Variants in RHEX observed in about 807,000 individuals in gnomAD.
RHEX encodes the protein regulator of hemoglobinization and erythroid cell expansion protein.
A neutral mutation model predicts 20.1 loss-of-function variants in RHEX; 18 were observed. That is an observed-to-expected ratio of 0.90 (90% CI 0.62 to 1.33). RHEX has a LOEUF of 1.33. RHEX is among the 40% of genes most tolerant of loss of function. The pLI is 0.00. For missense variants in RHEX, 192 were observed against 214.3 expected, an observed-to-expected ratio of 0.90 and a Z score of 0.65; for synonymous variants, 87 against 77.1, an observed-to-expected ratio of 1.13 and a Z score of -0.67.
At chr1:206,097,469 G>A (rs564751751) in intron 1 of RHEX, among the ~76,000 whole-genome samples, 1 of 152,306 alleles carries the variant, frequency 6.6e-6, no homozygotes, top group Admixed American at 6.5e-5. Context: ...TAACAAATAA[G>A]GAACTCATAT....
At chr1:206,086,352 T>G (rs549478836) in intron 1 of RHEX, among the ~76,000 whole-genome samples, 1 of 152,138 alleles carries the variant, frequency 6.6e-6, no homozygotes, top group African/African-American at 2.4e-5. Context: ...TTCCTGTTTT[T>G]TTTTCTTTTT....
At position 206,097,773 on chromosome 1, in the gene RHEX, T is replaced by G. The variant is rs2102329600; in HGVS notation, c.-56T>G. ...CCGGTGGCACTACTGAGAGACGAGG[T>G]GCCAGGGTGGTTCCTGAAAGTGCCT... On this transcript the variant is annotated 5_prime_UTR_variant, in exon 2 of 6. Coordinates refer to ENST00000331555, the MANE Select transcript of RHEX (RefSeq NM_001007544.4). The G allele has an allele frequency of 6.2e-7, 1 of 1,614,052 alleles. No individual in the cohort carries two copies. The highest frequency in any genetic ancestry group is 2.2e-5 in the East Asian group (1 of 44,872).
At chr1:206,098,244 C>G (rs1156383793) in intron 3 of RHEX, 63 bp downstream of exon 3, 3 of 1,209,868 alleles carry the variant, frequency 2.5e-6, no homozygotes, top group Non-Finnish European at 3.7e-6. Flanking sequence ...GAGCCTCCAG[C>G]AGGACAAGAC....
At position 206,094,222 on chromosome 1, in the gene RHEX, G is replaced by A. The variant is rs149194365; in HGVS notation, c.-96-3511G>A. On this transcript the variant is annotated intron_variant, in intron 1 of 5. Coordinates refer to ENST00000331555, the MANE Select transcript of RHEX (RefSeq NM_001007544.4). ...TGTCACGTGCACGCGCAAATGAGCA[G>A]ATGTCTCTGCTGATTGTCTGATCAG... Among the ~76,000 whole-genome samples the A allele has an allele frequency of 5.9e-5, 9 of 151,756 alleles. No homozygotes were observed. In the East Asian group the frequency reaches 1.7e-3, roughly 29 times the overall value.
At chr1:206,061,997 G>GTC (rs1662318859) in intron 1 of RHEX, 1 of 152,020 alleles carries the variant, frequency 6.6e-6, no homozygotes, top group African/African-American at 2.4e-5. Flanking sequence ...AGATCACCAG[G>GTC]TCAAGAGATC....
At chr1:206,057,744 C>CAT (rs1553282776) in intron 1 of RHEX, among the ~76,000 whole-genome samples, 1 of 151,308 alleles carries the variant, frequency 6.6e-6, no homozygotes. Context: ...AAAAATGAAG[C>CAT]ATAGCCATAG....
intron 1 of RHEX, chr1:206,061,669 C>T (rs1194491427): frequency 6.6e-6 from 1 of 152,280 alleles, no homozygotes; most frequent in Non-Finnish European, 1.5e-5. Context: ...AAGGATCTTT[C>T]CTGCCATGCT....
In RHEX at chr1:206,067,032, G is replaced by A. The variant is rs1662435579; in HGVS notation, c.-97+13767G>A. On this transcript the variant is annotated intron_variant, in intron 1 of 5. Transcript: ENST00000331555. This position sits in a 1 kb window ranked among gnomAD's most constrained non-coding sequence, Gnocchi z 4.6. ...CATGGTGAACCTGTGATAAGGGAGT[G>A]GAGTCTGGCCACGGTGTCAGGTGAT... Among the ~76,000 whole-genome samples the A allele has an allele frequency of 6.6e-6, 1 of 152,184 alleles. No individual in the cohort carries two copies. Among genetic ancestry groups the A allele is most frequent in the Non-Finnish European group, 1.5e-5 (1 of 68,028 alleles).
At chr1:206,080,982 T>TAC (rs71152465) in intron 1 of RHEX, among the ~76,000 whole-genome samples, 18,499 of 149,818 alleles carry the variant, frequency 0.12, 1,317 homozygotes, top group African/African-American at 0.2. Context: ...TTTTTGTACA[T>TAC]ACACACACAC....
chr1:206,078,784 T>TG (rs1450164957), intron 1 of RHEX, among the ~76,000 whole-genome samples: 7 of 151,886 alleles, frequency 4.6e-5, no homozygotes, highest in South Asian at 2.1e-4. Flanking sequence ...TAGAGGTGCC[T>TG]GGGGGGGCAA....
At chr1:206,093,778 TC>T (rs1553287335) in intron 1 of RHEX, among the ~76,000 whole-genome samples, 1 of 152,162 alleles carries the variant, frequency 6.6e-6, no homozygotes, top group African/African-American at 2.4e-5. Context: ...TAAAATGGAA[TC>T]CAGCCTTAAC....
chr1:206,090,536 C>G (rs560747620), intron 1 of RHEX, among the ~76,000 whole-genome samples: 3 of 152,170 alleles, frequency 2.0e-5, no homozygotes, highest in Admixed American at 1.3e-4. Flanking sequence ...GCAATTTCCA[C>G]TCTTTTTGAT....
chr1:206,088,524 A>G (rs1182086582), intron 1 of RHEX, among the ~76,000 whole-genome samples: 2 of 152,124 alleles, frequency 1.3e-5, no homozygotes, highest in African/African-American at 4.8e-5. Context: ...CTCTACTAAA[A>G]CTACAAAAAT....
At chr1:206,059,475 C>G (rs1553283061) in intron 1 of RHEX, among the ~76,000 whole-genome samples, 2 of 152,172 alleles carry the variant, frequency 1.3e-5, no homozygotes, top group Non-Finnish European at 1.5e-5. Flanking sequence ...ATGGGTTCCC[C>G]CCACCCCACC....
chr1:206,101,378 A>G (rs561801239), intron 5 of RHEX, among the ~76,000 whole-genome samples, 181 bp downstream of exon 5: 1 of 152,266 alleles, frequency 6.6e-6, no homozygotes, highest in East Asian at 1.9e-4. Flanking sequence ...CCATATCTGC[A>G]TGGATCACCC....
intron 1 of RHEX, among the ~76,000 whole-genome samples, chr1:206,060,095 G>A (rs1167812694): frequency 6.6e-6 from 1 of 152,118 alleles, no homozygotes; most frequent in African/African-American, 2.4e-5. Flanking sequence ...ATGAACACAC[G>A]ACTTAAAGTC....
At chr1:206,064,652 T>G (rs1571855030) in intron 1 of RHEX, among the ~76,000 whole-genome samples, 1 of 125,190 alleles carries the variant, frequency 8.0e-6, no homozygotes, top group African/African-American at 3.1e-5. Context: ...CGGGGGGAGG[T>G]GGGGGGGTCA....
At chr1:206,078,428 G>A (rs368544232) in intron 1 of RHEX, among the ~76,000 whole-genome samples, 3 of 152,084 alleles carry the variant, frequency 2.0e-5, no homozygotes, top group African/African-American at 4.8e-5. Flanking sequence ...AAGCTTGGTG[G>A]CTTGGGCCTA....
intron 1 of RHEX, among the ~76,000 whole-genome samples, chr1:206,089,366 G>A (rs1382792211): frequency 6.6e-6 from 1 of 152,040 alleles, no homozygotes; most frequent in African/African-American, 2.4e-5. Context: ...TTACAAAATT[G>A]TGATTATATT....
Sources: allele counts gnomAD v4.1 joint callset (sites outside exome capture counted in the v4.1 genomes callset), GRCh38; gene constraint gnomAD v4.1.1; non-coding constraint Gnocchi (gnomAD v3.1); transcripts MANE v1.5; gene names NCBI Gene and HGNC (gene_info 2026-07-23, HGNC 2026-07-21).